Variants in RNF115 observed in about 807,000 individuals in gnomAD.
The protein encoded by RNF115 is ring finger protein 115.
In RNF115, 31 loss-of-function variants were observed where a neutral mutation model predicts 39.2. The ratio of observed to expected loss-of-function variants is 0.79; its 90% CI spans 0.59 to 1.07. The LOEUF is 1.07. Among genes scored for constraint, RNF115 ranks in the 50% least tolerant of loss-of-function variants. The pLI is 0.00. For missense variants in RNF115, 384 were observed against 381.7 expected (o/e 1.01, Z -0.05); for synonymous variants, 124 against 131.0 (o/e 0.95, Z 0.37).
intron 2 of RNF115, among the ~76,000 whole-genome samples, chr1:145,786,461 C>T (rs1267890948): frequency 7.2e-5 from 11 of 152,090 alleles, no homozygotes; most frequent in Admixed American, 7.2e-4. Flanking sequence ...TCTTTCAAAC[C>T]ACAGAGTCTT....
rs370190816 is a variant in RNF115, at chr1:145,753,043, T to C, written c.435A>G (p.Leu145=). 1.6e-4 allele frequency: 259 copies of C among 1,607,036 alleles called. 1 individual carries two copies. Among genetic ancestry groups the C allele is most frequent in the Non-Finnish European group, 2.2e-4 (255 of 1,173,954 alleles). ...CAAAGAATCCTGCAAAGATGTGTTGTAGTATTCTGTTACAGAAGAAAAAAT... is the reference window on the plus strand; with the variant it reads ...CAAAGAATCCTGCAAAGATGTGTTGCAGTATTCTGTTACAGAAGAAAAAAT... ...PDRSPAIEGI[L]QHIFAGFFAN... Residue 145 remains leucine, a synonymous_variant, in exon 5 of 9, where the codon CTA becomes CTG. Coordinates refer to ENST00000582693, the MANE Select transcript of RNF115 (RefSeq NM_014455.4).
intron 1 of RNF115, among the ~76,000 whole-genome samples, chr1:145,795,562 C>T (rs1648940174): frequency 6.6e-6 from 1 of 152,088 alleles, no homozygotes; most frequent in African/African-American, 2.4e-5. Flanking sequence ...ATTTACAATG[C>T]TTTAGCTAGA....
At position 145,796,010 on chromosome 1, in the gene RNF115, T is replaced by A. The variant is rs587755665; in HGVS notation, c.103-7044A>T. Among the ~76,000 whole-genome samples, 76 of 152,348 alleles carry A rather than the reference T, an allele frequency of 5.0e-4. No homozygotes were observed. The Middle Eastern group carries it at 0.01, about 20-fold the overall frequency. ...GCACATTTGTATCTTAAGTCTGATTTCAGAACAAAGTCTGGTCTCAAAAAA... is the reference window on the plus strand; with the variant it reads ...GCACATTTGTATCTTAAGTCTGATTACAGAACAAAGTCTGGTCTCAAAAAA... On this transcript the variant is annotated intron_variant, in intron 1 of 8. Coordinates refer to ENST00000582693, the MANE Select transcript of RNF115 (RefSeq NM_014455.4).
At chr1:145,794,275 T>C (rs1553719450) in intron 1 of RNF115, among the ~76,000 whole-genome samples, 2 of 152,166 alleles carry the variant, frequency 1.3e-5, no homozygotes, top group East Asian at 3.9e-4. Flanking sequence ...TTTCAATTAT[T>C]TACAAAAACA....
chr1:145,816,913 G>A (rs1160070006), intron 1 of RNF115, among the ~76,000 whole-genome samples: 1 of 83,142 alleles, frequency 1.2e-5, no homozygotes, highest in Non-Finnish European at 2.7e-5. Context: ...AGGACTACAA[G>A]CACATGCCAC....
chr1:145,808,936 C>A (rs1443289318), intron 1 of RNF115, among the ~76,000 whole-genome samples: 1 of 152,184 alleles, frequency 6.6e-6, no homozygotes, highest in Non-Finnish European at 1.5e-5. Context: ...TTTCATTCAA[C>A]AAATTCAGCT....
intron 1 of RNF115, 84 bp downstream of exon 1, chr1:145,823,688 T>C: frequency 9.1e-7 from 1 of 1,096,854 alleles, no homozygotes. Flanking sequence ...GTCAATGATG[T>C]GCAGAAAGCT....
At chr1:145,792,163 C>T (rs1648704606) in intron 1 of RNF115, among the ~76,000 whole-genome samples, 1 of 152,130 alleles carries the variant, frequency 6.6e-6, no homozygotes, top group Admixed American at 6.6e-5. Flanking sequence ...AGCAATCTGC[C>T]CACCTTGGCC....
chr1:145,798,959 T>C (rs1189982162), intron 1 of RNF115, among the ~76,000 whole-genome samples: 1 of 152,204 alleles, frequency 6.6e-6, no homozygotes, highest in South Asian at 2.1e-4. Flanking sequence ...TTTCAAGTTG[T>C]TCACTGTGTA....
At chr1:145,767,799 C>A (rs587771656) in intron 4 of RNF115, among the ~76,000 whole-genome samples, 5 of 152,374 alleles carry the variant, frequency 3.3e-5, no homozygotes, top group South Asian at 2.1e-4. Context: ...AGCGAAACCC[C>A]GTCTCCACCA....
intron 1 of RNF115, among the ~76,000 whole-genome samples, chr1:145,822,222 G>A (rs1238201688): frequency 3.4e-4 from 52 of 151,992 alleles, no homozygotes; most frequent in Non-Finnish European, 6.0e-4. Flanking sequence ...CCAGCTACCC[G>A]GAGGCCGAGG....
chr1:145,758,685 T>C (rs1553713522), intron 4 of RNF115, among the ~76,000 whole-genome samples: 1 of 152,140 alleles, frequency 6.6e-6, no homozygotes, highest in African/African-American at 2.4e-5. Flanking sequence ...TAAAAGTCAA[T>C]CCTATATGAA....
chr1:145,789,267 T>TG (rs1553718585), intron 1 of RNF115, among the ~76,000 whole-genome samples: 1 of 152,056 alleles, frequency 6.6e-6, no homozygotes, highest in Non-Finnish European at 1.5e-5. Context: ...CATACCTAAT[T>TG]TTTTTTATTT....
chr1:145,808,098 C>A (rs587739086), intron 1 of RNF115, among the ~76,000 whole-genome samples: 1 of 152,242 alleles, frequency 6.6e-6, no homozygotes, highest in South Asian at 2.1e-4. Flanking sequence ...CATTCATCCA[C>A]TGATGGATAC....
In RNF115 at chr1:145,761,534, T is replaced by A. The variant is rs935173947; in HGVS notation, c.429-8485A>T. Among the ~76,000 whole-genome samples the A allele has an allele frequency of 3.3e-5, 5 of 152,200 alleles. No individual in the cohort carries two copies. The East Asian group carries it at 9.6e-4, about 29-fold the overall frequency. On this transcript the variant is annotated intron_variant, in intron 4 of 8. Coordinates refer to ENST00000582693, the MANE Select transcript of RNF115 (RefSeq NM_014455.4). ...AAGCCCAAAGCCTTGGCAGCGTCCA[T>A]GTGGTGCTGAGCCTGCGAGTGCACT...
chr1:145,795,304 C>T (rs1426489515), intron 1 of RNF115, among the ~76,000 whole-genome samples: 1 of 152,088 alleles, frequency 6.6e-6, no homozygotes. Flanking sequence ...TGAGCAGCAG[C>T]AAGTTTTACT....
chr1:145,812,704 A>G (rs1553722870), intron 1 of RNF115, among the ~76,000 whole-genome samples: 1 of 151,528 alleles, frequency 6.6e-6, no homozygotes, highest in East Asian at 1.9e-4. Context: ...CTGTTTTGGG[A>G]AAAGAGTCAC....
intron 4 of RNF115, among the ~76,000 whole-genome samples, chr1:145,763,940 G>T (rs142882762): frequency 0.83 from 118,588 of 142,354 alleles, 49,334 homozygotes; most frequent in African/African-American, 0.89. Flanking sequence ...TCCCTCTCTT[G>T]CCATGGTCTC....
chr1:145,752,158 A>C (rs1553712571), intron 5 of RNF115, among the ~76,000 whole-genome samples: 2 of 152,154 alleles, frequency 1.3e-5, no homozygotes, highest in African/African-American at 4.8e-5. Flanking sequence ...AGCAGCAAAT[A>C]ATTTCTCAGA....
Sources: gnomAD v4.1 joint callset for allele counts (sites outside exome capture counted in the v4.1 genomes callset) on GRCh38, gnomAD v4.1.1 for gene constraint, MANE v1.5 for transcripts, NCBI Gene and HGNC (gene_info 2026-07-23, HGNC 2026-07-21) for gene names.